IFT74: variants seen among roughly 807,000 people sequenced by gnomAD.
The protein encoded by IFT74 is intraflagellar transport 74.
IFT74 carries 92 observed loss-of-function variants against 96.7 expected under a neutral mutation model. The observed-to-expected ratio is 0.95, with a 90% CI of 0.80 to 1.13. The LOEUF (loss-of-function observed/expected upper bound fraction) is 1.13, where lower values mean the gene tolerates loss of function less well. Ranked by LOEUF, IFT74 falls within the 50% of genes most tolerant of loss-of-function variation. IFT74 has a pLI of 0.00. For missense variants in IFT74, 811 were observed against 698.2 expected, an observed-to-expected ratio of 1.16 and a Z score of -1.82; for synonymous variants, 223 against 213.2, an observed-to-expected ratio of 1.05 and a Z score of -0.40.
chr9:26,969,163 A>C (rs1826767548), intron 2 of IFT74, among the ~76,000 whole-genome samples: 1 of 152,098 alleles, frequency 6.6e-6, no homozygotes, highest in South Asian at 2.1e-4. Context: ...ATCTCTTCTT[A>C]GACCCACTGG....
chr9:26,974,218 TAA>T (rs1827001109), intron 2 of IFT74, among the ~76,000 whole-genome samples: 1 of 152,196 alleles, frequency 6.6e-6, no homozygotes, highest in Non-Finnish European at 1.5e-5. Context: ...GTGGATAGCA[TAA>T]GTTTTGCTCT....
intron 1 of IFT74, among the ~76,000 whole-genome samples, chr9:26,956,818 C>G (rs1383378746): frequency 6.6e-6 from 1 of 152,238 alleles, no homozygotes; most frequent in Non-Finnish European, 1.5e-5. Flanking sequence ...CTGCCTCTTA[C>G]AGTGGAAGGG....
At chr9:27,051,893 G>C (rs10967683) in intron 16 of IFT74, among the ~76,000 whole-genome samples, 3,158 of 152,170 alleles carry the variant, frequency 0.021, 113 homozygotes, top group African/African-American at 0.071. Flanking sequence ...TATTTCTTCA[G>C]GATCCTATTT....
chr9:26,959,147 C>T (rs564354987), intron 1 of IFT74, among the ~76,000 whole-genome samples: 12 of 152,142 alleles, frequency 7.9e-5, no homozygotes, highest in African/African-American at 1.9e-4. Context: ...CTCGCTCTGT[C>T]GCCCAGGCTG....
chr9:26,965,292 G>C (rs1826557315), intron 2 of IFT74, among the ~76,000 whole-genome samples: 1 of 152,116 alleles, frequency 6.6e-6, no homozygotes, highest in Non-Finnish European at 1.5e-5. Context: ...AAGGTGCAGA[G>C]GGCCAATACT....
intron 6 of IFT74, 89 bp downstream of exon 6, chr9:26,984,648 T>C: frequency 5.1e-6 from 5 of 980,724 alleles, no homozygotes; most frequent in Non-Finnish European, 6.3e-6. Context: ...GCAAAGGACA[T>C]GCACAGATAC....
At chr9:27,000,355 ATGTT>A (rs1394133782) in intron 8 of IFT74, among the ~76,000 whole-genome samples, 2 of 152,230 alleles carry the variant, frequency 1.3e-5, no homozygotes, top group African/African-American at 4.8e-5. Context: ...ATATTTATGC[ATGTT>A]TAAGTATATG....
chr9:27,005,716 G>C (rs1268306898), intron 8 of IFT74: 1 of 151,276 alleles, frequency 6.6e-6, no homozygotes. Context: ...CAGTGAACAG[G>C]TGATTTAAAA....
chr9:27,044,223 A>G (rs1738014714), intron 13 of IFT74, among the ~76,000 whole-genome samples: 1 of 152,198 alleles, frequency 6.6e-6, no homozygotes, highest in African/African-American at 2.4e-5. Context: ...ACTATTCTTT[A>G]TAATACAACT....
intron 8 of IFT74, among the ~76,000 whole-genome samples, chr9:27,004,638 G>C (rs1008066219): frequency 6.6e-6 from 1 of 152,212 alleles, no homozygotes; most frequent in Non-Finnish European, 1.5e-5. Context: ...TGTTTCAACA[G>C]TTGGTTTAAA....
intron 1 of IFT74, among the ~76,000 whole-genome samples, chr9:26,959,702 G>T (rs1826269245): frequency 6.6e-6 from 1 of 152,168 alleles, no homozygotes; most frequent in Admixed American, 6.5e-5. Context: ...TGCCCCAAAG[G>T]TGATGGAGTT....
intron 13 of IFT74, among the ~76,000 whole-genome samples, chr9:27,031,950 A>G (rs1188154802): frequency 1.3e-5 from 2 of 152,110 alleles, no homozygotes; most frequent in Non-Finnish European, 2.9e-5. Flanking sequence ...TGGCTCTAGC[A>G]GTCTTTCTGC....
intron 8 of IFT74, among the ~76,000 whole-genome samples, chr9:27,004,866 C>T (rs1828689860): frequency 6.6e-6 from 1 of 151,992 alleles, no homozygotes; most frequent in East Asian, 1.9e-4. Flanking sequence ...AAAAAAAGAG[C>T]TTTACTCAAA....
rs1587421587 is a variant in IFT74, at chr9:27,053,507, C to G, written c.1334-2102C>G. ...ATGACAGACTATCTTAGAAACACTT[C>G]CCCGGGTCAAAGTGGTTCCTTCTGA... On this transcript the variant is annotated intron_variant, in intron 16 of 19. Coordinates refer to ENST00000380062, the MANE Select transcript of IFT74 (RefSeq NM_025103.4). 2.0e-5 allele frequency among the ~76,000 whole-genome samples: 3 copies of G among 152,246 alleles called. 1 individual carries two copies. In the Middle Eastern group the frequency reaches 0.01, roughly 518 times the overall value.
At chr9:27,013,644 G>A (rs1043521180) in intron 10 of IFT74, among the ~76,000 whole-genome samples, 1 of 152,134 alleles carries the variant, frequency 6.6e-6, no homozygotes, top group Non-Finnish European at 1.5e-5. Flanking sequence ...ATTTATTTAT[G>A]AATAAAGTTG....
intron 8 of IFT74, among the ~76,000 whole-genome samples, chr9:27,003,352 A>C (rs142987246): frequency 0.012 from 1,845 of 152,184 alleles, 35 homozygotes; most frequent in African/African-American, 0.042. Context: ...GCGAAACCTC[A>C]TCTCTACTAC....
At chr9:26,978,050 T>A in intron 2 of IFT74, 78 bp from the exon 3 acceptor site, 1 of 1,308,206 alleles carries the variant, frequency 7.6e-7, no homozygotes, top group Non-Finnish European at 1.0e-6. Flanking sequence ...TTTAAAAAAT[T>A]GTCTTTGCAG....
chr9:27,014,403 A>T lies in IFT74; in HGVS notation c.789+2435A>T, dbSNP rs111584503. Among the ~76,000 whole-genome samples the T allele has an allele frequency of 8.5e-5, 13 of 152,300 alleles. 2 individuals are homozygous for T. The highest frequency in any genetic ancestry group is 3.1e-4 in the African/African-American group (13 of 41,574). On this transcript the variant is annotated intron_variant, in intron 10 of 19. Transcript: ENST00000380062. ...TTTTTGGAGTGGGTTTGAGAGAGTC[A>T]AGTCTTACTTCACTTGGTGAATTTG...
At chr9:26,980,667 T>A (rs774211246) in intron 4 of IFT74, 48 bp downstream of exon 4, 2 of 1,200,496 alleles carry the variant, frequency 1.7e-6, no homozygotes, top group Admixed American at 3.9e-5. Context: ...CGAAATATTG[T>A]GTACCTTCTG....
Sources: gnomAD v4.1 joint callset for allele counts (sites outside exome capture counted in the v4.1 genomes callset) on GRCh38, gnomAD v4.1.1 for gene constraint, MANE v1.5 for transcripts, NCBI Gene and HGNC (gene_info 2026-07-23, HGNC 2026-07-21) for gene names.